CACNG7: variants seen among roughly 807,000 people sequenced by gnomAD.
The protein encoded by CACNG7 is voltage-dependent calcium channel gamma-7 subunit.
CACNG7 carries 9 observed loss-of-function variants against 26.3 expected under a neutral mutation model. That is an observed-to-expected ratio of 0.34 (90% CI 0.21 to 0.60). CACNG7 has a LOEUF of 0.60. Ranked by LOEUF, CACNG7 falls within the 20% of genes least tolerant of loss-of-function variation. The probability of loss-of-function intolerance (pLI) is 0.81; values close to 1 mark genes in which losing one functional copy is unlikely to be tolerated. For missense variants in CACNG7, 297 were observed against 380.4 expected (o/e 0.78, Z 1.82); for synonymous variants, 170 against 157.0 (o/e 1.08, Z -0.62).
At chr19:53,929,648 G>A (rs1340487994) in intron 4 of CACNG7, among the ~76,000 whole-genome samples, 1 of 151,998 alleles carries the variant, frequency 6.6e-6, no homozygotes, top group Non-Finnish European at 1.5e-5. Flanking sequence ...GTAGACAGAG[G>A]GTTTCACCAT....
intron 4 of CACNG7, among the ~76,000 whole-genome samples, chr19:53,933,779 A>G (rs2069088811): frequency 6.6e-6 from 1 of 151,580 alleles, no homozygotes; most frequent in African/African-American, 2.4e-5. Context: ...GAGATATTAG[A>G]GTTGATCACT....
In CACNG7 at chr19:53,932,394, T is replaced by G. The variant is rs376819820; in HGVS notation, c.425-9076T>G. Among the ~76,000 whole-genome samples the G allele has an allele frequency of 3.3e-5, 5 of 152,294 alleles. No individual in the cohort carries two copies. In the South Asian group the frequency reaches 1.0e-3, roughly 32 times the overall value. On this transcript the variant is annotated intron_variant, in intron 4 of 5. Transcript: ENST00000391767. The stretch of plus-strand genomic sequence containing the variant: ...TTTTTAGTCATATTGCCATGTCCTC[T>G]TCTGCATTTCACTACATTATTTTAA...
chr19:53,922,870 GGAGTTGA>G (rs2068974400), intron 4 of CACNG7, among the ~76,000 whole-genome samples: 3 of 76,458 alleles, frequency 3.9e-5, no homozygotes, highest in Non-Finnish European at 7.0e-5. Flanking sequence ...GGTCATTGGT[GGAGTTGA>G]CTCAGGCTGG....
At chr19:53,925,385 A>G (rs1244453915) in intron 4 of CACNG7, among the ~76,000 whole-genome samples, 2 of 135,842 alleles carry the variant, frequency 1.5e-5, no homozygotes, top group East Asian at 4.7e-4. Context: ...CAGGTCTGGT[A>G]TTGGTGGAGT....
chr19:53,929,314 C>T (rs2069055851), intron 4 of CACNG7, among the ~76,000 whole-genome samples: 1 of 151,746 alleles, frequency 6.6e-6, no homozygotes, highest in African/African-American at 2.4e-5. Context: ...AAGCTGATTC[C>T]CCTGCATCTG....
intron 4 of CACNG7, among the ~76,000 whole-genome samples, chr19:53,923,792 C>A (rs2068991413): frequency 8.4e-6 from 1 of 118,898 alleles, no homozygotes. Context: ...GTGCAGTTGC[C>A]CCAGGTCTGG....
intron 4 of CACNG7, among the ~76,000 whole-genome samples, chr19:53,928,648 G>A (rs2069050169): frequency 6.6e-6 from 1 of 152,098 alleles, no homozygotes; most frequent in Non-Finnish European, 1.5e-5. Context: ...TATGAGGCAG[G>A]TGTTGTCAGC....
intron 4 of CACNG7, among the ~76,000 whole-genome samples, chr19:53,921,437 G>GTGGAGTTGCCCCAGGTCTGGTATTGC (rs1192355181): frequency 3.3e-5 from 5 of 151,404 alleles, no homozygotes; most frequent in African/African-American, 4.9e-5. Context: ...CTGGTCATTG[G>GTGGAGTTGCCCCAGGTCTGGTATTGC]TGGAGTTGCC....
intron 4 of CACNG7, among the ~76,000 whole-genome samples, chr19:53,926,392 TC>T (rs912549318): frequency 1.3e-5 from 2 of 151,956 alleles, no homozygotes; most frequent in Non-Finnish European, 2.9e-5. Context: ...CACTCATTAT[TC>T]CTCCCTGCTT....
In CACNG7 at chr19:53,919,450, G is replaced by A. The variant is rs149732607; in HGVS notation, c.424+3945G>A. Among the ~76,000 whole-genome samples, 22 of 149,948 alleles carry A rather than the reference G, an allele frequency of 1.5e-4. No individual in the cohort carries two copies. The East Asian group carries it at 3.8e-3, about 26-fold the overall frequency. ...CCCCAGGCTGGTCATTGGTGGAGTTGCCCCAGGCTGGTCATTGGTGGACTT... is the reference window on the plus strand; with the variant it reads ...CCCCAGGCTGGTCATTGGTGGAGTTACCCCAGGCTGGTCATTGGTGGACTT... On this transcript the variant is annotated intron_variant, in intron 4 of 5. Transcript: ENST00000391767.
intron 4 of CACNG7, among the ~76,000 whole-genome samples, chr19:53,916,193 G>A (rs1000209109): frequency 4.6e-5 from 7 of 152,054 alleles, no homozygotes; most frequent in African/African-American, 1.4e-4. Context: ...TTACGTCATC[G>A]TACACGTGAT....
chr19:53,923,899 C>T (rs75008960), intron 4 of CACNG7, among the ~76,000 whole-genome samples: 7 of 110,226 alleles, frequency 6.4e-5, no homozygotes, highest in East Asian at 3.0e-4. Context: ...GGTGGAGTTG[C>T]CCCAGGTCTG....
rs1490362083 is a variant in CACNG7, at chr19:53,909,844, G to A, written c.-30+327G>A. On this transcript the variant is annotated intron_variant, in intron 1 of 5. Coordinates refer to ENST00000391767, the MANE Select transcript of CACNG7 (RefSeq NM_031896.5). This position sits in a 1 kb window ranked among gnomAD's most constrained non-coding sequence, Gnocchi z 5.1. ...GAGGACCCAGGCCCGGCCAGAGCAG[G>A]ATGTGGGTCTGGAAAGGGGTCCCAG... Among the ~76,000 whole-genome samples, 5 of 152,162 alleles carry A rather than the reference G, an allele frequency of 3.3e-5. No individual in the cohort carries two copies. Among genetic ancestry groups the A allele is most frequent in the Non-Finnish European group, 5.9e-5 (4 of 68,030 alleles).
rs566178476 is a variant in CACNG7 at position 53,942,411 on chromosome 19, C to T, written c.*118C>T. ...CCTCGCTCCCACCCGGAGGAGGCTG[C>T]GCCAGCTTTAGGCCCCGCCCTCCTC... is the stretch of plus-strand genomic sequence containing the variant. On this transcript the variant is annotated 3_prime_UTR_variant, in exon 6 of 6. Transcript: ENST00000391767. This position sits in a 1 kb window ranked among gnomAD's most constrained non-coding sequence, Gnocchi z 5.9. 3.3e-6 allele frequency: 5 copies of T among 1,505,964 alleles called. No homozygotes were observed. The East Asian group carries it at 6.9e-5, about 21-fold the overall frequency. The allele number at this position is 1,505,964 out of a possible 1,614,324, so 93.3% of individuals were successfully genotyped here. A position where few individuals can be genotyped will look rare whatever the true frequency, so the allele number is the denominator to read the frequency against.
rs1217924212 is a variant in CACNG7 at position 53,909,611 on chromosome 19, C to T, written c.-30+94C>T. ...GGGCAACAAGGGACCCGAGTGGCTC[C>T]AGGGGTGGTGAGATCCTGGCGGTCG... On this transcript the variant is annotated intron_variant, in intron 1 of 5. Coordinates refer to ENST00000391767, the MANE Select transcript of CACNG7 (RefSeq NM_031896.5). This position sits in a 1 kb window ranked among gnomAD's most constrained non-coding sequence, Gnocchi z 5.1. 2 of 152,578 alleles carry T rather than the reference C, an allele frequency of 1.3e-5. No homozygotes were observed. Among genetic ancestry groups the T allele is most frequent in the Admixed American group, 6.5e-5 (1 of 15,286 alleles). 9.5% of individuals were successfully genotyped at this position (152,578 alleles called of 1,614,324 possible). A position where few individuals can be genotyped will look rare whatever the true frequency, so the allele number is the denominator to read the frequency against.
chr19:53,924,090 G>A (rs1424076305), intron 4 of CACNG7, among the ~76,000 whole-genome samples: 2 of 124,932 alleles, frequency 1.6e-5, no homozygotes, highest in South Asian at 2.5e-4. Flanking sequence ...TGGTGGAGTT[G>A]TCCCCAGGTC....
intron 4 of CACNG7, among the ~76,000 whole-genome samples, chr19:53,927,948 T>G (rs1361759316): frequency 6.6e-6 from 1 of 152,058 alleles, no homozygotes; most frequent in Admixed American, 6.6e-5. Flanking sequence ...AGGATGGTTC[T>G]ATTCAGCTTG....
At chr19:53,926,134 C>T (rs565284602) in intron 4 of CACNG7, among the ~76,000 whole-genome samples, 74 of 152,288 alleles carry the variant, frequency 4.9e-4, no homozygotes, top group African/African-American at 1.7e-3. Context: ...GAACAGCTCC[C>T]GACTACCTGT....
chr19:53,914,664 C>A, intron 3 of CACNG7, 78 bp downstream of exon 3: 2 of 1,323,774 alleles, frequency 1.5e-6, no homozygotes, highest in Non-Finnish European at 1.1e-6. Flanking sequence ...GGGGGCAGGA[C>A]TAGGGAAAGG....
Sources: allele counts gnomAD v4.1 joint callset (sites outside exome capture counted in the v4.1 genomes callset), GRCh38; gene constraint gnomAD v4.1.1; non-coding constraint Gnocchi (gnomAD v3.1); transcripts MANE v1.5; gene names NCBI Gene and HGNC (gene_info 2026-07-23, HGNC 2026-07-21).